SLC44A1: variants seen among roughly 807,000 people sequenced by gnomAD.
The protein encoded by SLC44A1 is solute carrier family 44 member 1.
SLC44A1 carries 26 observed loss-of-function variants against 79.3 expected under a neutral mutation model. That is an observed-to-expected ratio of 0.33 (90% CI 0.24 to 0.46). SLC44A1 has a LOEUF of 0.46. SLC44A1 is among the 20% of genes least tolerant of loss of function. SLC44A1 has a pLI of 1.00. For synonymous variants in SLC44A1, 263 were observed against 286.2 expected (o/e 0.92, Z 0.82); for missense variants, 688 against 798.1 (o/e 0.86, Z 1.66).
At chr9:105,311,384 C>T (rs940826420) in intron 3 of SLC44A1, among the ~76,000 whole-genome samples, 4 of 152,048 alleles carry the variant, frequency 2.6e-5, no homozygotes, top group African/African-American at 4.8e-5. Flanking sequence ...GGATCTGCTC[C>T]GTCAGGTCTT....
Position 105,391,438 on chromosome 9 carries a change from G to A in SLC44A1, c.*2382G>A, listed in dbSNP as rs966835826. 1.9e-5 allele frequency: 19 copies of A among 985,360 alleles called. No individual in the cohort carries two copies. The highest frequency in any genetic ancestry group is 2.3e-5 in the Non-Finnish European group (19 of 829,638). The allele number at this position is 985,360 out of a possible 1,614,324, so 61.0% of individuals were successfully genotyped here. ...GAAATTATAATCTATGTGTAACCAT[G>A]TCATTTGAGTTGCAAATTAATTGCC... On this transcript the variant is annotated 3_prime_UTR_variant, in exon 16 of 16. Coordinates refer to ENST00000374720, the MANE Select transcript of SLC44A1 (RefSeq NM_080546.5).
chr9:105,424,148 AG>A (rs1464111778), intron 15 of SLC44A1, among the ~76,000 whole-genome samples: 1 of 152,218 alleles, frequency 6.6e-6, no homozygotes, highest in Non-Finnish European at 1.5e-5. Context: ...CCTGAACACC[AG>A]GCTCCCTGCT....
chr9:105,356,156 C>A, intron 5 of SLC44A1, 56 bp from the exon 6 acceptor site: 1 of 1,336,670 alleles, frequency 7.5e-7, no homozygotes, highest in Non-Finnish European at 1.1e-6. Flanking sequence ...TTTGATGTGG[C>A]ATTTATATTA....
intron 15 of SLC44A1, among the ~76,000 whole-genome samples, chr9:105,425,480 C>T (rs1229410223): frequency 3.9e-5 from 6 of 152,116 alleles, no homozygotes; most frequent in African/African-American, 9.7e-5. Flanking sequence ...TGAAGGATGA[C>T]GAATTTGGCA....
chr9:105,437,496 A>G lies in SLC44A1; in HGVS notation c.1951-785A>G, dbSNP rs927502459. ...TCTCTCTCTCTATATATATACACAC[A>G]CATATCTATTAGGTATATAGTATAT... On this transcript the variant is annotated intron_variant, in intron 15 of 15. Coordinates refer to the SLC44A1 transcript ENST00000374724. 5.3e-5 allele frequency among the ~76,000 whole-genome samples: 8 copies of G among 152,158 alleles called. No homozygotes were observed. The East Asian group carries it at 1.5e-3, about 29-fold the overall frequency.
chr9:105,311,158 G>A (rs991064626), intron 3 of SLC44A1, among the ~76,000 whole-genome samples: 1 of 152,082 alleles, frequency 6.6e-6, no homozygotes, highest in African/African-American at 2.4e-5. Context: ...ATTTTAGACT[G>A]TATGTTATTT....
rs563228554 is a variant in SLC44A1, at chr9:105,377,725, G to A, written c.1632+2990G>A. Reference sequence around the variant, plus strand: ...TGCACTGAGCCGAGATTGCACCACCGCACTCCAGCCTAGGCGACAGAGCAA... The same window carrying A: ...TGCACTGAGCCGAGATTGCACCACCACACTCCAGCCTAGGCGACAGAGCAA... On this transcript the variant is annotated intron_variant, in intron 13 of 15. Coordinates refer to ENST00000374720, the MANE Select transcript of SLC44A1 (RefSeq NM_080546.5). 7.9e-4 allele frequency among the ~76,000 whole-genome samples: 120 copies of A among 151,188 alleles called. 1 individual carries two copies. The highest frequency in any genetic ancestry group is 3.4e-3 in the Middle Eastern group (1 of 294).
At chr9:105,296,749 CTG>C (rs1830732475) in intron 1 of SLC44A1, among the ~76,000 whole-genome samples, 1 of 152,216 alleles carries the variant, frequency 6.6e-6, no homozygotes, top group African/African-American at 2.4e-5. Flanking sequence ...TTTATTCACA[CTG>C]TGAACAACTG....
intron 2 of SLC44A1, among the ~76,000 whole-genome samples, chr9:105,306,207 C>G (rs1410166712): frequency 6.6e-6 from 1 of 152,186 alleles, no homozygotes; most frequent in Admixed American, 6.5e-5. Context: ...TTGCTTCCTA[C>G]TCCATGCTTA....
chr9:105,356,154 G>A, intron 5 of SLC44A1, 58 bp from the exon 6 acceptor site: 1 of 1,308,696 alleles, frequency 7.6e-7, no homozygotes, highest in Non-Finnish European at 1.1e-6. Context: ...TGTTTGATGT[G>A]GCATTTATAT....
chr9:105,382,613 A>G (rs1828501430), intron 13 of SLC44A1, among the ~76,000 whole-genome samples: 1 of 152,206 alleles, frequency 6.6e-6, no homozygotes, highest in South Asian at 2.1e-4. Context: ...TCACTCATAA[A>G]ATGAAATTAT....
intron 4 of SLC44A1, among the ~76,000 whole-genome samples, chr9:105,344,789 CAA>C (rs1291634063): frequency 2.6e-5 from 4 of 151,978 alleles, no homozygotes; most frequent in African/African-American, 9.7e-5. Context: ...GATATATAAA[CAA>C]AAAATTACAA....
chr9:105,365,885 T>G (rs7849407), intron 11 of SLC44A1, among the ~76,000 whole-genome samples: 1,904 of 152,250 alleles, frequency 0.013, 29 homozygotes, highest in African/African-American at 0.043. Context: ...TCACATACCT[T>G]CCTCCTTAGA....
In SLC44A1 at chr9:105,394,874, GA is replaced by G; in HGVS notation, c.*5819del. Reference sequence around the variant, plus strand: ...CCAGTCACCCACTAGAGCAGCTTCAGATTCCTCTGCCAATAGAACTCCACCC... The same window carrying G: ...CCAGTCACCCACTAGAGCAGCTTCAGTTCCTCTGCCAATAGAACTCCACCC... On this transcript the variant is annotated 3_prime_UTR_variant, in exon 16 of 16. Coordinates refer to ENST00000374720, the MANE Select transcript of SLC44A1 (RefSeq NM_080546.5). 1 of 985,464 alleles carries G rather than the reference GA, an allele frequency of 1.0e-6. No homozygotes were observed. Among genetic ancestry groups the G allele is most frequent in the Non-Finnish European group, 1.2e-6 (1 of 829,966 alleles). 61.0% of individuals were successfully genotyped at this position (985,464 alleles called of 1,614,324 possible).
chr9:105,362,177 C>T (rs944506531), intron 8 of SLC44A1, among the ~76,000 whole-genome samples: 1 of 152,058 alleles, frequency 6.6e-6, no homozygotes, highest in Non-Finnish European at 1.5e-5. Flanking sequence ...GGTTCATCAT[C>T]GTCTTCTCTC....
In SLC44A1 at chr9:105,390,770, T is replaced by C. The variant is rs1345859750; in HGVS notation, c.*1714T>C. ...TTTCAGAATATTTGCAATAAGAGTC[T>C]GGATTTTAAAAAACACATGCATACA... On this transcript the variant is annotated 3_prime_UTR_variant, in exon 16 of 16. Coordinates refer to ENST00000374720, the MANE Select transcript of SLC44A1 (RefSeq NM_080546.5). 2.4e-5 allele frequency: 24 copies of C among 985,304 alleles called. No individual in the cohort carries two copies. The highest frequency in any genetic ancestry group is 2.9e-5 in the Non-Finnish European group (24 of 829,578). 61.0% of individuals were successfully genotyped at this position (985,304 alleles called of 1,614,324 possible).
chr9:105,401,047 C>A (rs1356577250), downstream of SLC44A1, among the ~76,000 whole-genome samples: 3 of 152,172 alleles, frequency 2.0e-5, no homozygotes, highest in Non-Finnish European at 2.9e-5. Context: ...TGAGTGGAAG[C>A]CCCTCTCCAG....
intron 3 of SLC44A1, among the ~76,000 whole-genome samples, chr9:105,319,397 C>G (rs1826313590): frequency 6.6e-6 from 1 of 152,074 alleles, no homozygotes; most frequent in Non-Finnish European, 1.5e-5. Flanking sequence ...TACACGGAGT[C>G]CGAGCACAGT....
intron 3 of SLC44A1, among the ~76,000 whole-genome samples, chr9:105,324,804 G>A (rs748050527): frequency 6.6e-6 from 1 of 152,156 alleles, no homozygotes; most frequent in Admixed American, 6.6e-5. Flanking sequence ...ACAACAATAA[G>A]TTACTATTTC....
Sources: allele counts gnomAD v4.1 joint callset (sites outside exome capture counted in the v4.1 genomes callset), GRCh38; gene constraint gnomAD v4.1.1; transcripts MANE v1.5; gene names NCBI Gene and HGNC (gene_info 2026-07-23, HGNC 2026-07-21).